NOC2L: variants seen among roughly 807,000 people sequenced by gnomAD.
NOC2L encodes the protein NOC2 like nucleolar associated transcriptional repressor, also known as nucleolar complex protein 2 homolog.
In NOC2L, 101 loss-of-function variants were observed where a neutral mutation model predicts 94.2. The observed-to-expected ratio is 1.07, with a 90% CI of 0.91 to 1.26. NOC2L has a LOEUF of 1.26. NOC2L is among the 50% of genes most tolerant of loss of function. NOC2L has a pLI of 0.00. For synonymous variants in NOC2L, 531 were observed against 413.4 expected, an observed-to-expected ratio of 1.28 and a Z score of -3.45; for missense variants, 1,076 against 980.1, an observed-to-expected ratio of 1.10 and a Z score of -1.31.
At chr1:947,489 T>G (rs1394641306) in intron 14 of NOC2L, among the ~76,000 whole-genome samples, 6 of 152,198 alleles carry the variant, frequency 3.9e-5, no homozygotes, top group Non-Finnish European at 8.8e-5. Context: ...CACATCTGAT[T>G]CCAGCCACCA....
At position 944,629 on chromosome 1, in the gene NOC2L, G is replaced by A; in HGVS notation, c.*65C>T. The A allele has an allele frequency of 9.9e-7, 1 of 1,010,442 alleles. No homozygotes were observed. Among genetic ancestry groups the A allele is most frequent in the Non-Finnish European group, 1.5e-6 (1 of 668,148 alleles). 62.6% of individuals were successfully genotyped at this position (1,010,442 alleles called of 1,614,324 possible). On this transcript the variant is annotated 3_prime_UTR_variant, in exon 19 of 19. Coordinates refer to ENST00000327044, the MANE Select transcript of NOC2L (RefSeq NM_015658.4). ...CAGACGCCAGCCTCTAGGCCTGACT[G>A]CCAGGGAGGTGGAAACACTGGCCAC...
intron 16 of NOC2L, 71 bp from the exon 17 acceptor site, chr1:945,724 T>G: frequency 6.3e-7 from 1 of 1,599,524 alleles, no homozygotes; most frequent in Non-Finnish European, 8.6e-7. Flanking sequence ...GGGCCAGGCA[T>G]CGCCAGACCC....
intron 13 of NOC2L, 48 bp downstream of exon 13, chr1:948,442 C>A (rs201792380): frequency 1.4e-5 from 20 of 1,418,064 alleles, no homozygotes; most frequent in Non-Finnish European, 1.6e-5. Context: ...GCACCCCCAA[C>A]CCCACCCTGG....
chr1:945,239 C>T (rs1642068952), intron 17 of NOC2L, 93 bp from the exon 18 acceptor site: 37 of 1,448,226 alleles, frequency 2.6e-5, no homozygotes, highest in Non-Finnish European at 3.4e-5. Flanking sequence ...AGGCTCCCAA[C>T]ACCCTTCCCT....
At chr1:947,445 C>T (rs555783168) in intron 14 of NOC2L, among the ~76,000 whole-genome samples, 155 of 152,356 alleles carry the variant, frequency 1.0e-3, no homozygotes, top group African/African-American at 3.6e-3. Flanking sequence ...GTGAGCAGAT[C>T]CCTCCTCCCC....
At chr1:946,064 G>T in intron 16 of NOC2L, 109 bp downstream of exon 16, 1 of 830,258 alleles carries the variant, frequency 1.2e-6, no homozygotes. Flanking sequence ...CACGGCCCTG[G>T]CCGCCTGGCA....
At chr1:945,690 G>A (rs41285794) in intron 16 of NOC2L, 37 bp from the exon 17 acceptor site, 16,995 of 1,613,850 alleles carry the variant, frequency 0.011, 160 homozygotes, top group Middle Eastern at 0.036. Flanking sequence ...AGGTGAGAGA[G>A]GGCAGGGGCT....
In NOC2L at chr1:959,248, A is replaced by G. The variant is rs1334466810; in HGVS notation, c.-8T>C. Reference sequence around the variant, plus strand: ...GCTCCCCGCAGCTGCCATGACACCAACCCGAAGCGTGCACCCCACTTCCGG... The same window carrying G: ...GCTCCCCGCAGCTGCCATGACACCAGCCCGAAGCGTGCACCCCACTTCCGG... On this transcript the variant is annotated 5_prime_UTR_variant, in exon 1 of 19. Coordinates refer to ENST00000327044, the MANE Select transcript of NOC2L (RefSeq NM_015658.4). 11 of 1,604,264 alleles carry G rather than the reference A, an allele frequency of 6.9e-6. No homozygotes were observed. The highest frequency in any genetic ancestry group is 9.4e-6 in the Non-Finnish European group (11 of 1,176,228).
intron 12 of NOC2L, among the ~76,000 whole-genome samples, chr1:948,899 C>T (rs910078475): frequency 6.6e-6 from 1 of 152,150 alleles, no homozygotes; most frequent in Non-Finnish European, 1.5e-5. Flanking sequence ...GCACTAAGGA[C>T]CCACGTCTGG....
At position 959,063 on chromosome 1, in the gene NOC2L, C is replaced by G. The variant is rs1642504570; in HGVS notation, c.45G>C (p.Thr15=). 4 of 1,609,278 alleles carry G rather than the reference C, an allele frequency of 2.5e-6. No homozygotes were observed. Among genetic ancestry groups the G allele is most frequent in the Admixed American group, 1.7e-5 (1 of 59,850 alleles). ...GSRKRRLAEL[T]VDEFLASGFD... ...AGCCCGAAGCTAGGAACTCGTCCACCGTCAGCTCCGCCAGGCGCCTGCGGG... is the reference window on the plus strand; with the variant it reads ...AGCCCGAAGCTAGGAACTCGTCCACGGTCAGCTCCGCCAGGCGCCTGCGGG... Residue 15 remains threonine, a synonymous_variant, in exon 2 of 19, where the codon ACG becomes ACC. Transcript: ENST00000327044.
chr1:958,602 C>T (rs542732411), intron 2 of NOC2L: 68 of 538,208 alleles, frequency 1.3e-4, no homozygotes, highest in African/African-American at 6.6e-4. Context: ...CTCTTCAGCC[C>T]CTCTGTCCTT....
chr1:946,046 C>A (rs1642098681), intron 16 of NOC2L, 127 bp downstream of exon 16: 5 of 714,448 alleles, frequency 7.0e-6, no homozygotes, highest in South Asian at 1.8e-5. Flanking sequence ...CAAGTCGAAT[C>A]ATCCGGGCAC....
At chr1:951,402 G>A (rs968546367) in intron 11 of NOC2L, among the ~76,000 whole-genome samples, 164 bp from the exon 12 acceptor site, 10 of 151,920 alleles carry the variant, frequency 6.6e-5, no homozygotes, top group African/African-American at 1.9e-4. Context: ...CAGCTATGGG[G>A]CTGCAGGTAC....
chr1:945,625 T>C lies in NOC2L; in HGVS notation c.1946A>G (p.Lys649Arg), dbSNP rs767240804. Residue 649 changes from lysine (K) to arginine (R), a missense_variant, in exon 17 of 19, where the codon AAA becomes AGA. Physicochemically the swap from Lys to Arg is conservative, Grantham distance 26. Around this residue, in one of 3 missense-constraint regions of NOC2L, gnomAD observed 615 missense variants for 577.4 expected, o/e 1.07. Coordinates refer to ENST00000327044, the MANE Select transcript of NOC2L (RefSeq NM_015658.4). Reference sequence around the variant, plus strand: ...CTTCCTGTCAGCCATCTTCCTTCGTTTGATCTCAGGGAAGTTCAGGTCTTC... The same window carrying C: ...CTTCCTGTCAGCCATCTTCCTTCGTCTGATCTCAGGGAAGTTCAGGTCTTC... Reference protein sequence around the residue: ...RLEDLNFPEIKRRKMADRKDE... With the variant: ...RLEDLNFPEIRRRKMADRKDE... The C allele has an allele frequency of 6.2e-7, 1 of 1,614,170 alleles. No individual in the cohort carries two copies. The highest frequency in any genetic ancestry group is 1.1e-5 in the South Asian group (1 of 91,080).
At chr1:954,721 G>C (rs895825779) in intron 6 of NOC2L, among the ~76,000 whole-genome samples, 1 of 152,028 alleles carries the variant, frequency 6.6e-6, no homozygotes, top group Non-Finnish European at 1.5e-5. Flanking sequence ...CAGTTACTTG[G>C]GAGGCTAAGG....
chr1:958,207 G>A (rs770034968), intron 2 of NOC2L: 6 of 143,890 alleles, frequency 4.2e-5, no homozygotes, highest in South Asian at 1.9e-4. Context: ...TAGCTGGGAC[G>A]ACAGGTGTGT....
intron 11 of NOC2L, 61 bp downstream of exon 11, chr1:951,939 A>G (rs993198217): frequency 3.0e-5 from 47 of 1,555,266 alleles, no homozygotes; most frequent in Non-Finnish European, 3.0e-5. Flanking sequence ...CCGCCCACAC[A>G]GTCCCAGCAA....
At chr1:955,714 G>A (rs1045399598) in intron 6 of NOC2L, among the ~76,000 whole-genome samples, 2 of 152,182 alleles carry the variant, frequency 1.3e-5, no homozygotes, top group African/African-American at 4.8e-5. Context: ...TCCCTTTTCA[G>A]GAAGGAAAGA....
chr1:944,296 G>A lies in NOC2L; in HGVS notation c.*398C>T, dbSNP rs6605067. ...AAAGAAAATGTGACTTCAAAGGAAA[G>A]GAACAAATTTTCAAAGACTTGGGGG... On this transcript the variant is annotated 3_prime_UTR_variant, in exon 19 of 19. Coordinates refer to ENST00000327044, the MANE Select transcript of NOC2L (RefSeq NM_015658.4). The A allele has an allele frequency of 0.94, 1,315,421 of 1,405,306 alleles. 616,370 individuals are homozygous for A. Among genetic ancestry groups the A allele is most frequent in the Non-Finnish European group, 0.95 (1,024,453 of 1,083,832 alleles). 87.1% of individuals were successfully genotyped at this position (1,405,306 alleles called of 1,614,324 possible).
Sources: allele counts gnomAD v4.1 joint callset (sites outside exome capture counted in the v4.1 genomes callset), GRCh38; gene constraint gnomAD v4.1.1; regional missense constraint gnomAD v4.1.1; transcripts MANE v1.5; gene names NCBI Gene and HGNC (gene_info 2026-07-23, HGNC 2026-07-21).